The following KAZN variants were observed in gnomAD, a reference collection of about 807,000 sequenced individuals.
KAZN encodes the protein kazrin.
KAZN carries 40 observed loss-of-function variants against 87.4 expected under a neutral mutation model. The ratio of observed to expected loss-of-function variants is 0.46; its 90% CI spans 0.36 to 0.60. KAZN has a LOEUF of 0.60. Among genes scored for constraint, KAZN ranks in the 20% least tolerant of loss-of-function variants. The probability of loss-of-function intolerance (pLI) is 0.00; values close to 1 mark genes in which losing one functional copy is unlikely to be tolerated. For synonymous variants in KAZN, 466 were observed against 458.3 expected (o/e 1.02, Z -0.22); for missense variants, 898 against 1,073.9 (o/e 0.84, Z 2.29).
intron 2 of KAZN, among the ~76,000 whole-genome samples, chr1:14,181,101 C>G (rs999534051): frequency 2.0e-5 from 3 of 152,126 alleles, no homozygotes; most frequent in Non-Finnish European, 4.4e-5. Flanking sequence ...CAAGGTGTCT[C>G]CTTGTGTACT....
In KAZN at chr1:13,938,004, A is replaced by C. The variant is rs79196404; in HGVS notation, c.91+44248A>C. 8.3e-3 allele frequency among the ~76,000 whole-genome samples: 1,264 copies of C among 152,324 alleles called. 16 individuals carry two copies. Among genetic ancestry groups the C allele is most frequent in the African/African-American group, 0.029 (1,192 of 41,562 alleles). ...ATTTTTGCTTAGGAGTATTTTGGCT[A>C]TTCAGACTCTTTTTTGGTTCCATGT... On this transcript the variant is annotated intron_variant, in intron 1 of 16. Coordinates refer to the KAZN transcript ENST00000636203.
In KAZN at chr1:15,066,122, T is replaced by C. The variant is rs72639863; in HGVS notation, c.1222+369T>C. 5.5e-3 allele frequency: 6,050 copies of C among 1,092,976 alleles called. 107 individuals are homozygous for C. The South Asian group carries it at 0.064, about 12-fold the overall frequency. 67.7% of individuals were successfully genotyped at this position (1,092,976 alleles called of 1,614,324 possible). On this transcript the variant is annotated intron_variant, in intron 8 of 14. Transcript: ENST00000376030. The surrounding 1 kb of genome is among the most constrained non-coding windows in gnomAD (Gnocchi z 4.3). ...TTCAGTGTTTGGTTTTTCTTTTTCT[T>C]TTTGTTTGGTTCGTCGGTTTGTTTT...
chr1:14,321,475 G>T (rs1656047831), intron 2 of KAZN, among the ~76,000 whole-genome samples: 2 of 152,034 alleles, frequency 1.3e-5, no homozygotes, highest in African/African-American at 4.8e-5. Context: ...ATTACAGAGG[G>T]GCATGCAGCA....
intron 2 of KAZN, among the ~76,000 whole-genome samples, chr1:14,553,565 C>T (rs954786056): frequency 2.6e-5 from 4 of 152,286 alleles, no homozygotes; most frequent in Non-Finnish European, 4.4e-5. Flanking sequence ...AAAACTTAGT[C>T]TCAATGCATG....
chr1:14,438,118 G>A (rs1666505551), intron 2 of KAZN, among the ~76,000 whole-genome samples: 1 of 148,344 alleles, frequency 6.7e-6, no homozygotes, highest in South Asian at 2.1e-4. Context: ...AAAAAGATCT[G>A]AGCAACACCA....
chr1:15,101,635 A>C lies in KAZN; in HGVS notation c.1640A>C (p.Asn547Thr). ...TCCCAGTACTCCCAGGCCTTTCAGA[A>C]CCACCTGGTTGATGGGCGGATGCTG... is the stretch of plus-strand genomic sequence containing the variant. ...GLSQYSQAFQ[N>T]HLVDGRMLNS... Residue 547 changes from asparagine (N) to threonine (T), a missense_variant, in exon 11 of 15, where the codon AAC becomes ACC. By Grantham distance (65) the Asn-to-Thr change is moderately conservative (BLOSUM62 0). Around this residue, in one of 3 missense-constraint regions of KAZN, gnomAD observed 521 missense variants for 689.4 expected, o/e 0.76. Coordinates refer to ENST00000376030, the MANE Select transcript of KAZN (RefSeq NM_201628.3). 1 of 1,567,534 alleles carries C rather than the reference A, an allele frequency of 6.4e-7. No individual in the cohort carries two copies.
intron 1 of KAZN, among the ~76,000 whole-genome samples, chr1:13,898,075 C>A (rs58993245): frequency 0.02 from 3,109 of 152,302 alleles, 117 homozygotes; most frequent in African/African-American, 0.07. Flanking sequence ...GCCACACTCC[C>A]AGGCAGGGTA....
At chr1:14,906,558 A>C (rs2101334177) in intron 1 of KAZN, among the ~76,000 whole-genome samples, 1 of 152,184 alleles carries the variant, frequency 6.6e-6, no homozygotes, top group Admixed American at 6.6e-5. Flanking sequence ...TTTCTGCCCC[A>C]TAAAAAGAAA....
intron 1 of KAZN, among the ~76,000 whole-genome samples, chr1:14,701,848 C>T (rs1303226028): frequency 6.6e-6 from 1 of 152,150 alleles, no homozygotes; most frequent in Non-Finnish European, 1.5e-5. Flanking sequence ...CCTTCCCTGA[C>T]CGTCTCACAC....
intron 2 of KAZN, among the ~76,000 whole-genome samples, chr1:14,360,356 G>T (rs1469546887): frequency 2.0e-5 from 3 of 151,922 alleles, no homozygotes; most frequent in Non-Finnish European, 1.5e-5. Context: ...TTTTTTCAAG[G>T]TTTTTAGCTT....
At chr1:14,565,106 G>C (rs1030321927) in intron 2 of KAZN, among the ~76,000 whole-genome samples, 1 of 152,096 alleles carries the variant, frequency 6.6e-6, no homozygotes, top group African/African-American at 2.4e-5. Flanking sequence ...GATAAATAGA[G>C]CATTACCCAT....
rs113843959 is a variant in KAZN at position 13,969,644 on chromosome 1, C to A, written c.91+75888C>A. 3.9e-3 allele frequency among the ~76,000 whole-genome samples: 596 copies of A among 152,210 alleles called. 5 individuals are homozygous for A. Among genetic ancestry groups the A allele is most frequent in the Non-Finnish European group, 6.8e-3 (460 of 68,022 alleles). On this transcript the variant is annotated intron_variant, in intron 1 of 16. Coordinates refer to the KAZN transcript ENST00000636203. Reference sequence around the variant, plus strand: ...CTTGCATTTCTTGCACTGGCTGTTCCTTCTGCTTGGAGTGCCCTTTCCCCA... The same window carrying A: ...CTTGCATTTCTTGCACTGGCTGTTCATTCTGCTTGGAGTGCCCTTTCCCCA...
intron 2 of KAZN, among the ~76,000 whole-genome samples, chr1:14,963,580 T>C (rs1324056953): frequency 6.6e-6 from 1 of 152,136 alleles, no homozygotes. Flanking sequence ...ACCTCTACCA[T>C]TTATTGGCTA....
intron 1 of KAZN, among the ~76,000 whole-genome samples, chr1:13,978,997 G>A (rs1258130854): frequency 6.6e-6 from 1 of 152,096 alleles, no homozygotes; most frequent in Non-Finnish European, 1.5e-5. Flanking sequence ...TTGGGAGGCT[G>A]AGGTGGGAGG....
chr1:14,652,437 G>A lies in KAZN; in HGVS notation c.226+53214G>A, dbSNP rs374747054. Among the ~76,000 whole-genome samples the A allele has an allele frequency of 7.8e-4, 54 of 68,806 alleles. 1 individual carries two copies. The highest frequency in any genetic ancestry group is 2.7e-3 in the African/African-American group (45 of 16,696). 45.1% of individuals were successfully genotyped at this position (68,806 alleles called of 152,430 possible). A position where few individuals can be genotyped will look rare whatever the true frequency, so the allele number is the denominator to read the frequency against. Reference sequence around the variant, plus strand: ...CATATATTTATGTGTTGGTTCATTCGACCACCCACCCACCCATCTGCCTAT... The same window carrying A: ...CATATATTTATGTGTTGGTTCATTCAACCACCCACCCACCCATCTGCCTAT... On this transcript the variant is annotated intron_variant, in intron 1 of 14. Coordinates refer to ENST00000376030, the MANE Select transcript of KAZN (RefSeq NM_201628.3).
At chr1:14,448,360 G>C (rs1667096030) in intron 2 of KAZN, among the ~76,000 whole-genome samples, 1 of 152,236 alleles carries the variant, frequency 6.6e-6, no homozygotes, top group Non-Finnish European at 1.5e-5. Flanking sequence ...AAGGCCAAGA[G>C]GGAGAATGGG....
chr1:14,890,065 G>C (rs145998270), intron 1 of KAZN, among the ~76,000 whole-genome samples: 170 of 152,318 alleles, frequency 1.1e-3, no homozygotes, highest in African/African-American at 3.9e-3. Flanking sequence ...CCTAGACCCA[G>C]GTCAGAATGC....
intron 2 of KAZN, among the ~76,000 whole-genome samples, chr1:14,201,023 C>T (rs16853785): frequency 5.3e-5 from 8 of 152,132 alleles, no homozygotes; most frequent in Admixed American, 3.9e-4. Flanking sequence ...CGCATGGCCT[C>T]TCCTGGTGCA....
chr1:14,342,645 C>A (rs548755298), intron 2 of KAZN, among the ~76,000 whole-genome samples: 214 of 152,060 alleles, frequency 1.4e-3, no homozygotes, highest in African/African-American at 5.0e-3. Flanking sequence ...ATGCCGCCTG[C>A]AATAGAAACA....
Sources: gnomAD v4.1 joint callset for allele counts (sites outside exome capture counted in the v4.1 genomes callset) on GRCh38, gnomAD v4.1.1 for gene constraint, gnomAD v4.1.1 regional missense constraint, Gnocchi (gnomAD v3.1) non-coding constraint, MANE v1.5 for transcripts, NCBI Gene and HGNC (gene_info 2026-07-23, HGNC 2026-07-21) for gene names.